AVEN: variants seen among roughly 807,000 people sequenced by gnomAD.
AVEN encodes cell death regulator Aven.
In AVEN, 41 loss-of-function variants were observed where a neutral mutation model predicts 38.1. The observed-to-expected ratio is 1.08, with a 90% CI of 0.84 to 1.40. AVEN has a LOEUF of 1.40. AVEN is among the 40% of genes most tolerant of loss of function. AVEN has a pLI of 0.00. For missense variants in AVEN, 605 were observed against 438.8 expected (o/e 1.38, Z -3.38); for synonymous variants, 206 against 171.8 (o/e 1.20, Z -1.56).
upstream of AVEN, among the ~76,000 whole-genome samples, chr15:34,040,628 C>A (rs1899431364): frequency 6.6e-6 from 1 of 151,972 alleles, no homozygotes; most frequent in African/African-American, 2.4e-5. Context: ...TAAGTAACTT[C>A]CAAGATTACA....
Position 34,063,895 on chromosome 15 carries a change from C to T in AVEN, n.1127-463G>A. The T allele has an allele frequency of 3.1e-6, 5 of 1,614,212 alleles. No homozygotes were observed. The highest frequency in any genetic ancestry group is 4.2e-6 in the Non-Finnish European group (5 of 1,180,040). ...GTAAAAGCTGACGGGAACCAGGAGA[C>T]CAACAATGGCTGTCACAAGGTGAAA... On this transcript the variant is annotated intron_variant and non_coding_transcript_variant, in intron 4 of 11. Transcript: ENST00000675287. This position sits in a 1 kb window ranked among gnomAD's most constrained non-coding sequence, Gnocchi z 4.1.
intron 1 of AVEN, among the ~76,000 whole-genome samples, chr15:34,036,885 G>A (rs1191216410): frequency 2.0e-5 from 3 of 152,228 alleles, no homozygotes; most frequent in Non-Finnish European, 4.4e-5. Context: ...CGAGGCGGGT[G>A]GATCACCTGA....
intron 2 of AVEN, among the ~76,000 whole-genome samples, chr15:33,901,964 GT>G (rs1892513134): frequency 2.0e-5 from 3 of 152,070 alleles, no homozygotes; most frequent in Admixed American, 2.0e-4. Context: ...TAGCCCATAG[GT>G]TGCCTTTCCA....
chr15:34,052,070 T>C (rs1056801341), intron 5 of AVEN, among the ~76,000 whole-genome samples: 2 of 152,170 alleles, frequency 1.3e-5, no homozygotes, highest in African/African-American at 4.8e-5. Flanking sequence ...GCCAACATCT[T>C]TGATGAACAC....
chr15:34,062,569 A>AAC (rs1900373841), intron 5 of AVEN: 1 of 688,096 alleles, frequency 1.5e-6, no homozygotes, highest in Admixed American at 3.5e-5. Flanking sequence ...AAAAAAAAAA[A>AAC]AAAAACTATA....
At chr15:33,860,630 C>G in intron 11 of AVEN, 1 of 1,593,800 alleles carries the variant, frequency 6.3e-7, no homozygotes, top group Non-Finnish European at 8.6e-7. Flanking sequence ...GCTAAGAGAC[C>G]AGCAGGAACA....
At chr15:33,878,180 T>G (rs938690319) in intron 2 of AVEN, among the ~76,000 whole-genome samples, 3 of 152,212 alleles carry the variant, frequency 2.0e-5, no homozygotes, top group Non-Finnish European at 2.9e-5. Context: ...ATTTTTGAAT[T>G]TGTCCAAATT....
chr15:34,040,423 C>T (rs1014105836), upstream of AVEN, among the ~76,000 whole-genome samples: 3 of 152,140 alleles, frequency 2.0e-5, no homozygotes, highest in Non-Finnish European at 2.9e-5. Context: ...GGGCGCCTTC[C>T]AGACAGGGGG....
At chr15:33,956,280 G>A (rs957728225) in intron 2 of AVEN, among the ~76,000 whole-genome samples, 5 of 151,894 alleles carry the variant, frequency 3.3e-5, no homozygotes, top group African/African-American at 4.8e-5. Context: ...CCATCTCCCC[G>A]CTCCTCCAAT....
At chr15:33,923,500 T>C (rs1301662461) in intron 2 of AVEN, among the ~76,000 whole-genome samples, 2 of 152,240 alleles carry the variant, frequency 1.3e-5, no homozygotes, top group African/African-American at 4.8e-5. Flanking sequence ...AATAGTTAAA[T>C]AGTAATTACT....
At chr15:34,003,278 A>C (rs1897211073) in intron 1 of AVEN, 69 bp from the exon 2 acceptor site, 1 of 1,388,812 alleles carries the variant, frequency 7.2e-7, no homozygotes. Context: ...TTCCCAGTAA[A>C]ACAAAAAAGT....
downstream of AVEN, chr15:33,855,006 A>C: frequency 2.4e-6 from 3 of 1,243,660 alleles, no homozygotes; most frequent in East Asian, 2.7e-5. Flanking sequence ...AGGAAGGAAT[A>C]TGTCTTGGTA....
At chr15:33,998,307 T>C (rs902265785) in intron 2 of AVEN, among the ~76,000 whole-genome samples, 1 of 152,116 alleles carries the variant, frequency 6.6e-6, no homozygotes, top group Non-Finnish European at 1.5e-5. Context: ...AGTAAACATG[T>C]AGTTATTTCT....
chr15:33,960,990 T>C, intron 2 of AVEN, among the ~76,000 whole-genome samples: 1 of 152,220 alleles, frequency 6.6e-6, no homozygotes, highest in Non-Finnish European at 1.5e-5. Context: ...GTATTTCTGG[T>C]AAAAATATTT....
intron 2 of AVEN, among the ~76,000 whole-genome samples, chr15:33,938,133 G>A (rs1044233274): frequency 1.3e-5 from 2 of 151,878 alleles, no homozygotes; most frequent in Non-Finnish European, 2.9e-5. Flanking sequence ...AATAATAAAG[G>A]GAAATGTGGA....
intron 2 of AVEN, 80 bp downstream of exon 2, chr15:34,002,952 A>T: frequency 7.9e-7 from 1 of 1,262,360 alleles, no homozygotes; most frequent in Non-Finnish European, 1.1e-6. Context: ...TAGTTATAAA[A>T]GTAGAATTTA....
At chr15:34,000,770 T>C (rs1250192961) in intron 2 of AVEN, among the ~76,000 whole-genome samples, 1 of 152,074 alleles carries the variant, frequency 6.6e-6, no homozygotes, top group East Asian at 1.9e-4. Context: ...GAGAAGAAAC[T>C]GATAAATCAG....
At chr15:33,859,798 A>ATGACT in intron 11 of AVEN, 1 of 1,477,634 alleles carries the variant, frequency 6.8e-7, no homozygotes, top group South Asian at 1.3e-5. Flanking sequence ...TCTTCCATCT[A>ATGACT]TGACTTAATT....
chr15:33,926,925 G>T (rs1433121274), intron 2 of AVEN, among the ~76,000 whole-genome samples: 1 of 151,976 alleles, frequency 6.6e-6, no homozygotes, highest in Non-Finnish European at 1.5e-5. Context: ...AAATTGCTAG[G>T]ATTACAGGAG....
Sources: gnomAD v4.1 joint callset for allele counts (sites outside exome capture counted in the v4.1 genomes callset) on GRCh38, gnomAD v4.1.1 for gene constraint, Gnocchi (gnomAD v3.1) non-coding constraint, MANE v1.5 for transcripts, NCBI Gene and HGNC (gene_info 2026-07-23, HGNC 2026-07-21) for gene names.